Variants in MMP27 observed in about 807,000 individuals in gnomAD.
The protein encoded by MMP27 is matrix metallopeptidase 27.
MMP27 carries 51 observed loss-of-function variants against 48.1 expected under a neutral mutation model. The ratio of observed to expected loss-of-function variants is 1.06; its 90% confidence interval spans 0.85 to 1.34. MMP27 has a LOEUF of 1.34. Among genes scored for constraint, MMP27 ranks in the 40% most tolerant of loss-of-function variants. MMP27 has a pLI of 0.00. For missense variants in MMP27, 698 were observed against 619.3 expected, an observed-to-expected ratio of 1.13 and a Z score of -1.35; for synonymous variants, 229 against 208.9, an observed-to-expected ratio of 1.10 and a Z score of -0.83.
chr11:102,700,443 AC>A (rs2134272092), intron 4 of MMP27, among the ~76,000 whole-genome samples: 1 of 152,342 alleles, frequency 6.6e-6, no homozygotes, highest in East Asian at 1.9e-4. Context: ...GATGTCAAGC[AC>A]TTTCTGAGTG....
At position 102,691,779 on chromosome 11, in the gene MMP27, G is replaced by A. The variant is rs778387569; in HGVS notation, c.1529C>T (p.Ser510Phe). The stretch of plus-strand genomic sequence containing the variant: ...AGGTCTATGAATTTATTGATAAATA[G>A]AAGTGTTTTTCAGCAAATGAACAAT... Reference protein sequence around the residue: ...FGIVHLLKNTSIYQ With the variant: ...FGIVHLLKNTFIYQ The change falls in exon 10 of 10, where the codon TCT (serine) becomes TTT (phenylalanine). Residue 510 changes from serine (S) to phenylalanine (F), a missense_variant. Coordinates refer to ENST00000260229, the MANE Select transcript of MMP27 (RefSeq NM_022122.3). 2 of 1,591,508 alleles carry A rather than the reference G, an allele frequency of 1.3e-6. No homozygotes were observed. Among genetic ancestry groups the A allele is most frequent in the East Asian group, 4.5e-5 (2 of 44,500 alleles).
In MMP27 at chr11:102,704,615, G is replaced by A; in HGVS notation, c.263C>T (p.Thr88Ile). 1 of 1,614,184 alleles carries A rather than the reference G, an allele frequency of 6.2e-7. No individual in the cohort carries two copies. Among genetic ancestry groups the A allele is most frequent in the South Asian group, 1.1e-5 (1 of 91,084 alleles). The part of the protein sequence containing the change: ...LDSNTLEIMK[T>I]PRCGVPDVGQ... ...CACATCAGGCACCCCACACCTGGGT[G>A]TCTTCATGATCTCAAGGGTGTTTGA... The change falls in exon 2 of 10, where the codon ACA becomes ATA. Residue 88 changes from threonine to isoleucine, a missense_variant. Thr to Ile is a moderately conservative substitution (Grantham distance 89). Coordinates refer to ENST00000260229, the MANE Select transcript of MMP27 (RefSeq NM_022122.3).
intron 5 of MMP27, 83 bp from the exon 6 acceptor site, chr11:102,696,574 T>A: frequency 1.9e-6 from 3 of 1,574,770 alleles, no homozygotes; most frequent in Non-Finnish European, 2.6e-6. Context: ...TAAGTGGATA[T>A]TTGCTTCATG....
Position 102,696,462 on chromosome 11 carries a change from T to C in MMP27, c.811A>G (p.Lys271Glu), listed in dbSNP as rs1012310981. 6.2e-6 allele frequency: 10 copies of C among 1,613,674 alleles called. No homozygotes were observed. Among genetic ancestry groups the C allele is most frequent in the African/African-American group, 1.3e-5 (1 of 74,866 alleles). Residue 271 changes from lysine (K) to glutamate (E), a missense_variant, in exon 6 of 10, where the codon AAG becomes GAG. Physicochemically the swap from Lys to Glu is moderately conservative, Grantham distance 56 (BLOSUM62 1). Coordinates refer to ENST00000260229, the MANE Select transcript of MMP27 (RefSeq NM_022122.3). ...CAGGCATGGGGTATAGTGGGTTCCT[T>C]TGGCTTAGCAGGTTCCTTAGGCAGA... ...GGLPKEPAKPKEPTIPHACDP... is the reference protein window; with the variant it reads ...GGLPKEPAKPEEPTIPHACDP...
chr11:102,702,873 G>A lies in MMP27; in HGVS notation c.499C>T (p.Arg167Trp), dbSNP rs779608210. 14 of 1,613,140 alleles carry A rather than the reference G, an allele frequency of 8.7e-6. No individual in the cohort carries two copies. Among genetic ancestry groups the A allele is most frequent in the East Asian group, 2.2e-5 (1 of 44,874 alleles). ...MIAFRTRVHG[R>W]CPRYFDGPLG... is the part of the protein sequence containing the mutation. Reference sequence around the variant, plus strand: ...GGACCATCAAAATAGCGAGGACACCGACCATGGACTGAGATACAATTTATG... The same window carrying A: ...GGACCATCAAAATAGCGAGGACACCAACCATGGACTGAGATACAATTTATG... Residue 167 changes from arginine to tryptophan, a missense_variant, in exon 4 of 10, where the codon CGG becomes TGG. Physicochemically the swap from Arg to Trp is moderately radical, Grantham distance 101 (BLOSUM62 -3). Coordinates refer to ENST00000260229, the MANE Select transcript of MMP27 (RefSeq NM_022122.3).
chr11:102,703,350 A>C (rs1860982322), intron 2 of MMP27, among the ~76,000 whole-genome samples: 1 of 152,182 alleles, frequency 6.6e-6, no homozygotes, highest in Non-Finnish European at 1.5e-5. Flanking sequence ...ACTTCAACAA[A>C]GGAGGCTGAA....
At chr11:102,693,679 G>T (rs945221678) in intron 8 of MMP27, among the ~76,000 whole-genome samples, 3 of 151,992 alleles carry the variant, frequency 2.0e-5, no homozygotes, top group Non-Finnish European at 1.5e-5. Context: ...GTTACTTGGG[G>T]GTTGCTGAGA....
At chr11:102,692,113 AG>A in intron 9 of MMP27, 103 bp from the exon 10 acceptor site, 1 of 1,138,248 alleles carries the variant, frequency 8.8e-7, no homozygotes, top group Non-Finnish European at 1.2e-6. Context: ...TGGAGAACGA[AG>A]AAATTTGTGG....
chr11:102,696,358 G>C lies in MMP27; in HGVS notation c.902+13C>G, dbSNP rs11821755. The C allele has an allele frequency of 2.5e-6, 4 of 1,613,118 alleles. No homozygotes were observed. Among genetic ancestry groups the C allele is most frequent in the Admixed American group, 1.7e-5 (1 of 59,928 alleles). ...TTCATAGGAAGTTGAGGTGTTTAGA[G>C]AAATGAGTTTACCTGCCTTTAAAGA... On this transcript the variant is annotated intron_variant, in intron 6 of 9. Transcript: ENST00000260229.
Position 102,694,731 on chromosome 11 carries a change from CTT to C in MMP27, c.1033+234_1033+235del, listed in dbSNP as rs571738228. Among the ~76,000 whole-genome samples the C allele has an allele frequency of 5.8e-3, 885 of 152,172 alleles. 6 individuals carry two copies. The highest frequency in any genetic ancestry group is 0.02 in the African/African-American group (835 of 41,520). On this transcript the variant is annotated intron_variant, in intron 7 of 9. Transcript: ENST00000260229. ...TACCTTTATTTGGCAGAAAAAGAGA[CTT>C]TTTTAGTTTTTATCACACAGGTTTA...
intron 4 of MMP27, among the ~76,000 whole-genome samples, chr11:102,701,200 T>C (rs1860933425): frequency 6.6e-6 from 1 of 152,198 alleles, no homozygotes; most frequent in African/African-American, 2.4e-5. Flanking sequence ...TTTTTGGAAC[T>C]GCTGCCTGGT....
In MMP27 at chr11:102,695,086, CT is replaced by C; in HGVS notation, c.913del (p.Arg305GlyfsTer13). The C allele has an allele frequency of 1.1e-5, 18 of 1,613,704 alleles. No homozygotes were observed. Among genetic ancestry groups the C allele is most frequent in the Non-Finnish European group, 1.4e-5 (17 of 1,179,768 alleles). ...AACATCCGTGATATCATAATAGATC[CT>C]CCATAGGTGCCTGTGTTAAACAAAA... ...VMFFKGRHLW[R>X]IYYDITDVEF... On this transcript the variant is annotated frameshift_variant, in exon 7 of 10. Transcript: ENST00000260229. LOFTEE classifies it high-confidence loss of function.
At chr11:102,692,614 G>A (rs1366321220) in intron 9 of MMP27, among the ~76,000 whole-genome samples, 1 of 152,130 alleles carries the variant, frequency 6.6e-6, no homozygotes, top group Non-Finnish European at 1.5e-5. Context: ...GTACATTAAG[G>A]TACATACATT....
At chr11:102,692,278 T>C (rs954850393) in intron 9 of MMP27, among the ~76,000 whole-genome samples, 1 of 152,210 alleles carries the variant, frequency 6.6e-6, no homozygotes, top group African/African-American at 2.4e-5. Context: ...GTTTTCAAAC[T>C]AGGCTTCAAC....
At chr11:102,693,337 A>C (rs911928753) in intron 8 of MMP27, among the ~76,000 whole-genome samples, 1 of 152,168 alleles carries the variant, frequency 6.6e-6, no homozygotes, top group Non-Finnish European at 1.5e-5. Flanking sequence ...AAAATTTTTC[A>C]CTAGATATGT....
intron 2 of MMP27, among the ~76,000 whole-genome samples, chr11:102,703,612 T>C (rs1377255162): frequency 2.0e-5 from 3 of 152,054 alleles, no homozygotes; most frequent in African/African-American, 7.2e-5. Flanking sequence ...AACCTCTGCC[T>C]CCCAGGTTCA....
At chr11:102,699,563 T>G (rs942129171) in intron 4 of MMP27, among the ~76,000 whole-genome samples, 55 of 152,344 alleles carry the variant, frequency 3.6e-4, no homozygotes, top group Middle Eastern at 3.4e-3. Flanking sequence ...TCAGCTTCCC[T>G]GATGGAAATT....
At chr11:102,696,884 A>G in intron 4 of MMP27, 49 bp from the exon 5 acceptor site, 2 of 1,568,762 alleles carry the variant, frequency 1.3e-6, no homozygotes, top group Non-Finnish European at 1.7e-6. Context: ...TCAAAAAGAG[A>G]ATGGCTGCAT....
At position 102,696,483 on chromosome 11, in the gene MMP27, G is replaced by A. The variant is rs760085303; in HGVS notation, c.790C>T (p.Pro264Ser). 1.5e-5 allele frequency: 25 copies of A among 1,613,142 alleles called. No homozygotes were observed. Among genetic ancestry groups the A allele is most frequent in the Non-Finnish European group, 2.5e-6 (3 of 1,179,592 alleles). ...TCCTTTGGCTTAGCAGGTTCCTTAG[G>A]CAGACCTCCTTTGATGAGAAAAAAA... Reference protein sequence around the residue: ...NGIQSIYGGLPKEPAKPKEPT... With the variant: ...NGIQSIYGGLSKEPAKPKEPT... The change falls in exon 6 of 10, where the codon CCT becomes TCT. Residue 264 changes from proline (P) to serine (S), a missense_variant. Transcript: ENST00000260229.
Sources: gnomAD v4.1 joint callset for allele counts (sites outside exome capture counted in the v4.1 genomes callset) on GRCh38, gnomAD v4.1.1 for gene constraint, MANE v1.5 for transcripts, NCBI Gene and HGNC (gene_info 2026-07-23, HGNC 2026-07-21) for gene names.